CSTF3: variants seen among roughly 807,000 people sequenced by gnomAD.
The protein encoded by CSTF3 is cleavage stimulation factor subunit 3, also known as CF-1 77 kDa subunit.
CSTF3 carries 29 observed loss-of-function variants against 105.8 expected under a neutral mutation model. The ratio of observed to expected loss-of-function variants is 0.27; its 90% confidence interval spans 0.20 to 0.37. The LOEUF is 0.37. Ranked by LOEUF, CSTF3 falls within the 10% of genes least tolerant of loss-of-function variation. CSTF3 has a pLI of 1.00. For synonymous variants in CSTF3, 252 were observed against 281.9 expected, an observed-to-expected ratio of 0.89 and a Z score of 1.06; for missense variants, 357 against 879.3, an observed-to-expected ratio of 0.41 and a Z score of 7.51.
intron 16 of CSTF3, 98 bp from the exon 17 acceptor site, chr11:33,090,825 A>C: frequency 1.4e-6 from 1 of 701,386 alleles, no homozygotes; most frequent in Non-Finnish European, 2.1e-6. Flanking sequence ...TTTTCCCTTA[A>C]CTTATAAAAA....
At chr11:33,136,299 T>C (rs755851273) in intron 3 of CSTF3, 11 of 152,084 alleles carry the variant, frequency 7.2e-5, no homozygotes, top group African/African-American at 1.2e-4. Flanking sequence ...TGCTACCAAG[T>C]TGCTAGGAGC....
chr11:33,127,494 A>T (rs1855555496), intron 3 of CSTF3, among the ~76,000 whole-genome samples: 1 of 152,250 alleles, frequency 6.6e-6, no homozygotes, highest in Non-Finnish European at 1.5e-5. Context: ...TTACTATTAC[A>T]TCAACACATT....
At chr11:33,149,045 G>A (rs1471234027) in intron 1 of CSTF3, among the ~76,000 whole-genome samples, 2 of 151,694 alleles carry the variant, frequency 1.3e-5, no homozygotes. Flanking sequence ...CAAGCTTTAG[G>A]GGCCAATTCA....
At chr11:33,109,409 T>C (rs1855358081) in intron 3 of CSTF3, among the ~76,000 whole-genome samples, 1 of 152,226 alleles carries the variant, frequency 6.6e-6, no homozygotes, top group African/African-American at 2.4e-5. Context: ...TTTTTTGCTT[T>C]TGCTGATAAC....
At position 33,099,162 on chromosome 11, in the gene CSTF3, AAAAG is replaced by A; in HGVS notation, c.937-16_937-13del. The A allele has an allele frequency of 1.3e-6, 2 of 1,572,112 alleles. No individual in the cohort carries two copies. The highest frequency in any genetic ancestry group is 1.2e-5 in the South Asian group (1 of 82,734). ...GCATTATTCATATCCTGGTAGAAAAAAAAGAAAGCTCATCTTCAATAATTTTAAT... is the reference window on the plus strand; with the variant it reads ...GCATTATTCATATCCTGGTAGAAAAAAAAGCTCATCTTCAATAATTTTAAT... On this transcript the variant is annotated splice_polypyrimidine_tract_variant and intron_variant, in intron 11 of 20. Coordinates refer to ENST00000323959, the MANE Select transcript of CSTF3 (RefSeq NM_001326.3). This position sits in a 1 kb window ranked among gnomAD's most constrained non-coding sequence, Gnocchi z 4.1.
At chr11:33,151,867 T>A (rs1436189687) in intron 1 of CSTF3, among the ~76,000 whole-genome samples, 2 of 152,226 alleles carry the variant, frequency 1.3e-5, no homozygotes, top group Non-Finnish European at 2.9e-5. Flanking sequence ...TGATATTATC[T>A]TTTTTATTAC....
intron 17 of CSTF3, among the ~76,000 whole-genome samples, chr11:33,090,062 C>A (rs1472543134): frequency 6.6e-6 from 1 of 152,146 alleles, no homozygotes; most frequent in African/African-American, 2.4e-5. Flanking sequence ...GAATACAAAT[C>A]CCTCAAGGAA....
chr11:33,145,746 A>C (rs1335390946), intron 1 of CSTF3, among the ~76,000 whole-genome samples: 1 of 151,906 alleles, frequency 6.6e-6, no homozygotes, highest in African/African-American at 2.4e-5. Context: ...CCTGGGAGGC[A>C]GAGCTTGCAG....
intron 16 of CSTF3, among the ~76,000 whole-genome samples, chr11:33,091,572 A>G (rs996553959): frequency 3.9e-5 from 6 of 152,236 alleles, no homozygotes; most frequent in Non-Finnish European, 7.3e-5. Flanking sequence ...CACGAGACAA[A>G]ACCGTAAGTC....
chr11:33,141,360 G>A (rs1590283109), intron 3 of CSTF3: 1 of 848,704 alleles, frequency 1.2e-6, no homozygotes, highest in Non-Finnish European at 1.5e-6. Context: ...AGAAAAATGA[G>A]TTCTAAATAA....
chr11:33,116,141 T>C (rs568166111), intron 3 of CSTF3, among the ~76,000 whole-genome samples: 3 of 152,180 alleles, frequency 2.0e-5, no homozygotes, highest in Non-Finnish European at 2.9e-5. Context: ...ACTATGATTA[T>C]CTTTGGGTCT....
intron 13 of CSTF3, 152 bp from the exon 14 acceptor site, chr11:33,097,130 G>A: frequency 1.9e-6 from 1 of 539,328 alleles, no homozygotes; most frequent in Non-Finnish European, 3.1e-6. Flanking sequence ...TATTAGAGAT[G>A]CATGCAAATT....
chr11:33,154,140 A>C (rs1849824820), intron 1 of CSTF3, among the ~76,000 whole-genome samples: 1 of 152,224 alleles, frequency 6.6e-6, no homozygotes, highest in Admixed American at 6.5e-5. Flanking sequence ...TGACATAAAA[A>C]CCACTGTGGT....
intron 3 of CSTF3, among the ~76,000 whole-genome samples, chr11:33,110,461 T>C (rs74893397): frequency 0.012 from 1,772 of 152,304 alleles, 23 homozygotes; most frequent in South Asian, 0.03. Context: ...GAGATTCCCA[T>C]AGAACCTGAA....
chr11:33,084,994 A>G lies in CSTF3; in HGVS notation c.*93T>C. ...CAATGACAATACAACTTTGTTTCCA[A>G]GAACCTTGTAACAAAGCGTTGTCTC... On this transcript the variant is annotated 3_prime_UTR_variant, in exon 21 of 21. Transcript: ENST00000323959. 1 of 1,380,790 alleles carries G rather than the reference A, an allele frequency of 7.2e-7. No individual in the cohort carries two copies. 85.5% of individuals were successfully genotyped at this position (1,380,790 alleles called of 1,614,324 possible).
intron 1 of CSTF3, among the ~76,000 whole-genome samples, chr11:33,142,911 G>A (rs1254032104): frequency 3.3e-5 from 5 of 152,106 alleles, no homozygotes; most frequent in African/African-American, 1.2e-4. Flanking sequence ...CTGTATGCCC[G>A]TGAGAGATTA....
intron 3 of CSTF3, among the ~76,000 whole-genome samples, chr11:33,128,726 C>T (rs1855569129): frequency 6.6e-6 from 1 of 152,038 alleles, no homozygotes; most frequent in South Asian, 2.1e-4. Flanking sequence ...CTGGGAATGA[C>T]TAGAAGCAAA....
At chr11:33,090,286 A>G (rs1855156021) in intron 17 of CSTF3, among the ~76,000 whole-genome samples, 1 of 152,200 alleles carries the variant, frequency 6.6e-6, no homozygotes, top group African/African-American at 2.4e-5. Flanking sequence ...ATAAGATATA[A>G]GGCACTGACA....
chr11:33,103,028 G>T, intron 9 of CSTF3, 79 bp downstream of exon 9: 1 of 905,852 alleles, frequency 1.1e-6, no homozygotes, highest in Non-Finnish European at 1.7e-6. Flanking sequence ...AATATCAAGA[G>T]TAATACCAGA....
Sources: allele counts gnomAD v4.1 joint callset (sites outside exome capture counted in the v4.1 genomes callset), GRCh38; gene constraint gnomAD v4.1.1; non-coding constraint Gnocchi (gnomAD v3.1); transcripts MANE v1.5; gene names NCBI Gene and HGNC (gene_info 2026-07-23, HGNC 2026-07-21).